USP36: variants seen among roughly 807,000 people sequenced by gnomAD.
USP36 encodes ubiquitin carboxyl-terminal hydrolase 36.
In USP36, 59 loss-of-function variants were observed where a neutral mutation model predicts 111.5. That is an observed-to-expected ratio of 0.53 (90% confidence interval 0.43 to 0.66). The LOEUF (loss-of-function observed/expected upper bound fraction) is 0.66. Ranked by LOEUF, USP36 falls within the 30% of genes least tolerant of loss-of-function variation. USP36 has a pLI of 0.00. For synonymous variants in USP36, 628 were observed against 581.0 expected (o/e 1.08, Z -1.16); for missense variants, 1,488 against 1,468.0 (o/e 1.01, Z -0.22).
Position 78,803,811 on chromosome 17 carries a change from G to C in USP36, c.2384C>G (p.Pro795Arg). The C allele has an allele frequency of 1.2e-6, 2 of 1,612,980 alleles. No homozygotes were observed. Among genetic ancestry groups the C allele is most frequent in the Non-Finnish European group, 8.5e-7 (1 of 1,180,014 alleles). ...CTCACTGGCCTCTGGCAACTGGTGT[G>C]GAAGAGACACAAGGTCCTCGTTGAC... ...PQVNEDLVSLPHQLPEASEPP... is the reference protein window; with the variant it reads ...PQVNEDLVSLRHQLPEASEPP... The change falls in exon 16 of 21, where the codon CCA becomes CGA. Residue 795 changes from proline (P) to arginine (R), a missense_variant. Transcript: ENST00000449938. This position sits in a 1 kb window ranked among gnomAD's most constrained non-coding sequence, Gnocchi z 4.6.
chr17:78,835,937 G>C, intron 3 of USP36, 174 bp downstream of exon 3: 2 of 941,778 alleles, frequency 2.1e-6, no homozygotes, highest in Non-Finnish European at 3.1e-6. Flanking sequence ...AGATTTCCTT[G>C]CTACCAACCC....
rs946742910 is a variant in USP36, at chr17:78,802,635, G to T, written c.2811-100C>A. ...GCAACATGGAGAAGGTGCCACCCCA[G>T]CTGTGACCCAGTGCACGCAGGTCCC... On this transcript the variant is annotated intron_variant, in intron 16 of 20. Coordinates refer to ENST00000449938, the MANE Select transcript of USP36 (RefSeq NM_001385174.1). 1.9e-5 allele frequency: 23 copies of T among 1,202,862 alleles called. No homozygotes were observed. The African/African-American group carries it at 2.1e-4, about 11-fold the overall frequency. The allele number at this position is 1,202,862 out of a possible 1,614,324, so 74.5% of individuals were successfully genotyped here.
At position 78,822,155 on chromosome 17, in the gene USP36, C is replaced by T. The variant is rs952186822; in HGVS notation, c.690-151G>A. 1.2e-4 allele frequency: 97 copies of T among 835,616 alleles called. 1 individual carries two copies. Among genetic ancestry groups the T allele is most frequent in the Non-Finnish European group, 1.6e-4 (84 of 528,804 alleles). The allele number at this position is 835,616 out of a possible 1,614,324, so 51.8% of individuals were successfully genotyped here. ...ACCCGAGTCACCACAGACCCTTAACCTCCATCCTCAGCCCACGCTGCCTGG... is the reference window on the plus strand; with the variant it reads ...ACCCGAGTCACCACAGACCCTTAACTTCCATCCTCAGCCCACGCTGCCTGG... On this transcript the variant is annotated intron_variant, in intron 6 of 20. Coordinates refer to ENST00000449938, the MANE Select transcript of USP36 (RefSeq NM_001385174.1).
intron 3 of USP36, among the ~76,000 whole-genome samples, chr17:78,788,927 C>T (rs759033918): frequency 3.2e-4 from 48 of 152,038 alleles, no homozygotes; most frequent in South Asian, 1.0e-3. Flanking sequence ...AGGCCAGGTG[C>T]GGTGACTCAC....
At position 78,798,677 on chromosome 17, in the gene USP36, T is replaced by G. The variant is rs1305578687; in HGVS notation, c.3241-126A>C. ...CATGAGCTCTCTGGAGACCCACTCT[T>G]CACAATGACCCCTGTGCACGGCGAC... On this transcript the variant is annotated intron_variant, in intron 19 of 20. Coordinates refer to ENST00000449938, the MANE Select transcript of USP36 (RefSeq NM_001385174.1). This position sits in a 1 kb window ranked among gnomAD's most constrained non-coding sequence, Gnocchi z 5.1. The G allele has an allele frequency of 1.4e-6, 2 of 1,460,010 alleles. No homozygotes were observed. Among genetic ancestry groups the G allele is most frequent in the Non-Finnish European group, 1.9e-6 (2 of 1,072,554 alleles). The allele number at this position is 1,460,010 out of a possible 1,614,324, so 90.4% of individuals were successfully genotyped here.
intron 1 of USP36, among the ~76,000 whole-genome samples, chr17:78,839,579 G>A (rs2069047670): frequency 6.6e-6 from 1 of 152,140 alleles, no homozygotes; most frequent in Non-Finnish European, 1.5e-5. Flanking sequence ...GGGGATAAAC[G>A]AACCTTGGGA....
rs146583745 is a variant in USP36, at chr17:78,808,753, A to C, written c.1408-1117T>G. 1.7e-3 allele frequency among the ~76,000 whole-genome samples: 259 copies of C among 152,196 alleles called. 2 individuals are homozygous for C. The highest frequency in any genetic ancestry group is 5.9e-3 in the African/African-American group (246 of 41,512). Reference sequence around the variant, plus strand: ...CTTATTATTCTGTATTTAGATGCTGAATGTCAGCCTTCCCCTGCTTGACCA... The same window carrying C: ...CTTATTATTCTGTATTTAGATGCTGCATGTCAGCCTTCCCCTGCTTGACCA... On this transcript the variant is annotated intron_variant, in intron 13 of 20. Transcript: ENST00000449938.
intron 4 of USP36, among the ~76,000 whole-genome samples, chr17:78,830,992 C>T (rs2068032047): frequency 6.6e-6 from 1 of 150,810 alleles, no homozygotes; most frequent in Non-Finnish European, 1.5e-5. Context: ...TTTGGGAGGC[C>T]GAGGCAGGTG....
intron 4 of USP36, among the ~76,000 whole-genome samples, chr17:78,832,657 T>C (rs554899818): frequency 1.6e-3 from 237 of 152,240 alleles, no homozygotes; most frequent in Non-Finnish European, 1.8e-3. Context: ...CTCAAAAAGA[T>C]CCTGCAGAGA....
At position 78,807,278 on chromosome 17, in the gene USP36, G is replaced by A. The variant is rs2093932324; in HGVS notation, c.1766C>T (p.Ala589Val). Residue 589 changes from alanine to valine, a missense_variant, in exon 14 of 21, where the codon GCC (alanine) becomes GTC (valine). Coordinates refer to ENST00000449938, the MANE Select transcript of USP36 (RefSeq NM_001385174.1). ...CTTCAGCCCATGCCCGTTGGCAGTG[G>A]CTGTAGCCAGGAGCTTAGGTGAGGT... ...LSTSPKLLAT[A>V]TANGHGLKGN... 2 of 1,614,042 alleles carry A rather than the reference G, an allele frequency of 1.2e-6. No individual in the cohort carries two copies. The highest frequency in any genetic ancestry group is 2.2e-5 in the East Asian group (1 of 44,896).
chr17:78,836,156 C>T lies in USP36; in HGVS notation c.208G>A (p.Ala70Thr), dbSNP rs2068646689. 2 of 1,614,040 alleles carry T rather than the reference C, an allele frequency of 1.2e-6. No homozygotes were observed. The highest frequency in any genetic ancestry group is 1.7e-5 in the Admixed American group (1 of 60,028). Residue 70 changes from alanine (A) to threonine (T), a missense_variant, in exon 3 of 21, where the codon GCT becomes ACT. This residue lies in a region of USP36 where 219 missense variants were observed against 209.5 expected (regional missense o/e 1.05). Coordinates refer to ENST00000449938, the MANE Select transcript of USP36 (RefSeq NM_001385174.1). ...YVLLNPKTEG[A>T]SRHKSGDDPP... ...TCATCTCCACTCTTGTGGCGACTAG[C>T]TCCCTCTGTTTTGGGGTTGAGCAAC... is the stretch of plus-strand genomic sequence containing the variant.
chr17:78,816,361 C>T (rs1470537323), intron 10 of USP36, among the ~76,000 whole-genome samples: 1 of 151,922 alleles, frequency 6.6e-6, no homozygotes, highest in African/African-American at 2.4e-5. Flanking sequence ...CATGATGGCT[C>T]ACACCTATAA....
At chr17:78,831,665 G>A (rs1433083591) in intron 4 of USP36, among the ~76,000 whole-genome samples, 1 of 151,970 alleles carries the variant, frequency 6.6e-6, no homozygotes, top group Non-Finnish European at 1.5e-5. Context: ...GCTGCTGGTT[G>A]GGCATGGTGG....
At chr17:78,794,543 C>G (rs1018018092), downstream of USP36, among the ~76,000 whole-genome samples, 1 of 152,210 alleles carries the variant, frequency 6.6e-6, no homozygotes, top group African/African-American at 2.4e-5. Flanking sequence ...CGGTGGGACT[C>G]TGCCCGCCGC....
chr17:78,807,374 C>T lies in USP36; in HGVS notation c.1670G>A (p.Ser557Asn), dbSNP rs1233336337. The T allele has an allele frequency of 4.3e-6, 7 of 1,614,120 alleles. No individual in the cohort carries two copies. Among genetic ancestry groups the T allele is most frequent in the Non-Finnish European group, 5.9e-6 (7 of 1,180,054 alleles). Residue 557 changes from serine (S) to asparagine (N), a missense_variant, in exon 14 of 21, where the codon AGC becomes AAC. Coordinates refer to ENST00000449938, the MANE Select transcript of USP36 (RefSeq NM_001385174.1). ...CCCAGATCTGCTGCTATTCGAGTTG[C>T]TGGTCCCAGGCAGCCCCTGAGCAGT... ...PRTAQGLPGTSNSNSSRSGSQ... is the reference protein window; with the variant it reads ...PRTAQGLPGTNNSNSSRSGSQ...
chr17:78,832,286 CA>C (rs1469503458), intron 4 of USP36, among the ~76,000 whole-genome samples: 1 of 152,210 alleles, frequency 6.6e-6, no homozygotes, highest in Non-Finnish European at 1.5e-5. Flanking sequence ...CTCGTCAGAA[CA>C]AACACCCCTT....
chr17:78,824,135 G>A (rs916746290), intron 6 of USP36, among the ~76,000 whole-genome samples: 13 of 152,202 alleles, frequency 8.5e-5, no homozygotes, highest in African/African-American at 1.9e-4. Context: ...ATGAGAGGCC[G>A]GGCTTCACCC....
chr17:78,798,671 C>A lies in USP36; in HGVS notation c.3241-120G>T. 1.4e-6 allele frequency: 2 copies of A among 1,480,114 alleles called. No homozygotes were observed. The highest frequency in any genetic ancestry group is 1.8e-6 in the Non-Finnish European group (2 of 1,089,782). The allele number at this position is 1,480,114 out of a possible 1,614,324, so 91.7% of individuals were successfully genotyped here. On this transcript the variant is annotated intron_variant, in intron 19 of 20. Coordinates refer to ENST00000449938, the MANE Select transcript of USP36 (RefSeq NM_001385174.1). The surrounding 1 kb of genome is among the most constrained non-coding windows in gnomAD (Gnocchi z 5.1). ...GGCTCTCATGAGCTCTCTGGAGACC[C>A]ACTCTTCACAATGACCCCTGTGCAC... is the stretch of plus-strand genomic sequence containing the variant.
At chr17:78,828,076 A>G (rs957251220) in intron 5 of USP36, among the ~76,000 whole-genome samples, 4 of 152,080 alleles carry the variant, frequency 2.6e-5, no homozygotes, top group Non-Finnish European at 5.9e-5. Flanking sequence ...ATACAAAAAC[A>G]GTCAAGTGTG....
Sources: allele counts gnomAD v4.1 joint callset (sites outside exome capture counted in the v4.1 genomes callset), GRCh38; gene constraint gnomAD v4.1.1; regional missense constraint gnomAD v4.1.1; non-coding constraint Gnocchi (gnomAD v3.1); transcripts MANE v1.5; gene names NCBI Gene and HGNC (gene_info 2026-07-23, HGNC 2026-07-21).